NMT1: variants seen among roughly 807,000 people sequenced by gnomAD.
The protein encoded by NMT1 is N-myristoyltransferase 1.
Under a neutral mutation model 63.4 loss-of-function variants are expected in NMT1, and 12 were observed. That is an observed-to-expected ratio of 0.19 (90% confidence interval 0.12 to 0.31). The LOEUF (loss-of-function observed/expected upper bound fraction) is 0.31, where lower values mean the gene tolerates loss of function less well. NMT1 is among the 10% of genes least tolerant of loss of function. The pLI is 1.00. For synonymous variants in NMT1, 228 were observed against 234.3 expected (o/e 0.97, Z 0.25); for missense variants, 432 against 634.6 (o/e 0.68, Z 3.43).
chr17:45,061,318 T>G lies in NMT1; in HGVS notation c.-12T>G. 1.2e-6 allele frequency: 2 copies of G among 1,612,622 alleles called. No homozygotes were observed. The highest frequency in any genetic ancestry group is 1.7e-6 in the Non-Finnish European group (2 of 1,179,452). ...TGTAGTGGGGCGCGGAGCCCTGCTC[T>G]CGCAACTCAAGATGGCGGACGAGAG... On this transcript the variant is annotated 5_prime_UTR_variant, in exon 1 of 12. Coordinates refer to ENST00000258960, the MANE Select transcript of NMT1 (RefSeq NM_021079.5).
At chr17:45,091,755 C>T (rs936825287) in intron 3 of NMT1, among the ~76,000 whole-genome samples, 5 of 152,050 alleles carry the variant, frequency 3.3e-5, no homozygotes, top group Admixed American at 1.3e-4. Context: ...GGCTGGGCGC[C>T]GTGGCTCATG....
Position 45,105,007 on chromosome 17 carries a change from C to G in NMT1, c.1470+11C>G. The G allele has an allele frequency of 6.2e-7, 1 of 1,614,060 alleles. No homozygotes were observed. The highest frequency in any genetic ancestry group is 8.5e-7 in the Non-Finnish European group (1 of 1,179,988). ...ATGGGGGCAGAGAAGGTAGGCGACA[C>G]ATAGCCAGAGTCCAGGCTGCCCGGC... is the stretch of plus-strand genomic sequence containing the variant. On this transcript the variant is annotated intron_variant, in intron 11 of 11. Transcript: ENST00000258960. The surrounding 1 kb of genome is among the most constrained non-coding windows in gnomAD (Gnocchi z 4.2).
chr17:45,099,232 G>A (rs529895965), intron 7 of NMT1, among the ~76,000 whole-genome samples, 173 bp from the exon 8 acceptor site: 24 of 152,324 alleles, frequency 1.6e-4, no homozygotes, highest in African/African-American at 5.8e-4. Flanking sequence ...GAGGAGCTTT[G>A]GCAGCACTCA....
At chr17:45,078,610 A>G (rs967125190) in intron 1 of NMT1, among the ~76,000 whole-genome samples, 1 of 152,054 alleles carries the variant, frequency 6.6e-6, no homozygotes, top group Non-Finnish European at 1.5e-5. Context: ...TGTTAATGGA[A>G]AATTGTATTT....
chr17:45,105,568 T>G lies in NMT1; in HGVS notation c.1471-51T>G, dbSNP rs1478025956. ...TTCAGGGATAGGGGGTGTGGGAGAGTCTTTGGGCCACTGTCAACTCAGCTC... is the reference window on the plus strand; with the variant it reads ...TTCAGGGATAGGGGGTGTGGGAGAGGCTTTGGGCCACTGTCAACTCAGCTC... On this transcript the variant is annotated intron_variant, in intron 11 of 11. Transcript: ENST00000258960. This position sits in a 1 kb window ranked among gnomAD's most constrained non-coding sequence, Gnocchi z 4.2. 6.2e-7 allele frequency: 1 copy of G among 1,607,056 alleles called. No individual in the cohort carries two copies. The highest frequency in any genetic ancestry group is 8.5e-7 in the Non-Finnish European group (1 of 1,175,944).
chr17:45,097,317 G>A, intron 6 of NMT1, 73 bp downstream of exon 6: 1 of 1,152,744 alleles, frequency 8.7e-7, no homozygotes, highest in Non-Finnish European at 1.3e-6. Flanking sequence ...GTAGAAAAAG[G>A]CTGCACAATG....
intron 1 of NMT1, among the ~76,000 whole-genome samples, chr17:45,068,996 T>A (rs557396383): frequency 6.6e-6 from 1 of 151,642 alleles, no homozygotes; most frequent in Admixed American, 6.6e-5. Flanking sequence ...AGTCTCACTC[T>A]GTCGCCCAGG....
At chr17:45,061,490 T>C in intron 1 of NMT1, 30 bp downstream of exon 1, 3 of 1,602,854 alleles carry the variant, frequency 1.9e-6, no homozygotes, top group South Asian at 2.2e-5. Context: ...CCAATTCCCG[T>C]CCAGCCTCCC....
Position 45,105,242 on chromosome 17 carries a change from C to T in NMT1, c.1470+246C>T, listed in dbSNP as rs1343721556. ...GCACGAAGATCATCTCCAATGAGGCCTTCCCACGTGAGGGAACCGTGGAAG... is the reference window on the plus strand; with the variant it reads ...GCACGAAGATCATCTCCAATGAGGCTTTCCCACGTGAGGGAACCGTGGAAG... On this transcript the variant is annotated intron_variant, in intron 11 of 11. Transcript: ENST00000258960. This position sits in a 1 kb window ranked among gnomAD's most constrained non-coding sequence, Gnocchi z 4.2. Among the ~76,000 whole-genome samples, 1 of 152,210 alleles carries T rather than the reference C, an allele frequency of 6.6e-6. No homozygotes were observed. The highest frequency in any genetic ancestry group is 2.4e-5 in the African/African-American group (1 of 41,448).
At chr17:45,070,249 CTT>C (rs1181254255) in intron 1 of NMT1, among the ~76,000 whole-genome samples, 1 of 146,958 alleles carries the variant, frequency 6.8e-6, no homozygotes, top group East Asian at 1.9e-4. Flanking sequence ...CCCAGGGTAC[CTT>C]TTTTTGTGTG....
At chr17:45,090,888 A>G (rs1376547797) in intron 3 of NMT1, among the ~76,000 whole-genome samples, 1 of 152,024 alleles carries the variant, frequency 6.6e-6, no homozygotes, top group Non-Finnish European at 1.5e-5. Flanking sequence ...CCTGCTCAGC[A>G]GGAGGTACTC....
Position 45,104,354 on chromosome 17 carries a change from G to A in NMT1, c.1332+478G>A, listed in dbSNP as rs1370963000. On this transcript the variant is annotated intron_variant, in intron 10 of 11. Transcript: ENST00000258960. This position sits in a 1 kb window ranked among gnomAD's most constrained non-coding sequence, Gnocchi z 4.2. Reference sequence around the variant, plus strand: ...GTAGGCAATCTGGTCCCTGCCCTGTGAGAGCTTCTGCTCCAGTTGGTGAGG... The same window carrying A: ...GTAGGCAATCTGGTCCCTGCCCTGTAAGAGCTTCTGCTCCAGTTGGTGAGG... 1.7e-6 allele frequency: 2 copies of A among 1,148,468 alleles called. No homozygotes were observed. Among genetic ancestry groups the A allele is most frequent in the Non-Finnish European group, 2.2e-6 (2 of 925,488 alleles). The allele number at this position is 1,148,468 out of a possible 1,614,324, so 71.1% of individuals were successfully genotyped here. A position where few individuals can be genotyped will look rare whatever the true frequency, so the allele number is the denominator to read the frequency against.
chr17:45,079,563 A>G (rs970431430), intron 1 of NMT1, among the ~76,000 whole-genome samples: 5 of 152,228 alleles, frequency 3.3e-5, no homozygotes, highest in Non-Finnish European at 5.9e-5. Flanking sequence ...AATTTAATAA[A>G]ACATTAATGA....
intron 3 of NMT1, among the ~76,000 whole-genome samples, chr17:45,087,630 G>C (rs1375065664): frequency 6.6e-6 from 1 of 152,088 alleles, no homozygotes; most frequent in Non-Finnish European, 1.5e-5. Context: ...TGGACCCATT[G>C]GTGGCCTAGT....
intron 1 of NMT1, among the ~76,000 whole-genome samples, chr17:45,077,261 G>C (rs1157391476): frequency 6.6e-6 from 1 of 152,062 alleles, no homozygotes; most frequent in East Asian, 1.9e-4. Flanking sequence ...TCCATAAGCT[G>C]TTATGGAACC....
At chr17:45,097,384 A>T in intron 6 of NMT1, 140 bp downstream of exon 6, 8 of 718,554 alleles carry the variant, frequency 1.1e-5, no homozygotes, top group Non-Finnish European at 1.0e-5. Flanking sequence ...AGGTGCGGGG[A>T]CTGCAGATTC....
intron 1 of NMT1, among the ~76,000 whole-genome samples, chr17:45,062,813 A>G (rs1337723364): frequency 1.3e-5 from 2 of 152,188 alleles, no homozygotes; most frequent in Non-Finnish European, 2.9e-5. Context: ...CCCAGCACAT[A>G]TGCCTGACGT....
At position 45,105,862 on chromosome 17, in the gene NMT1, T is replaced by G; in HGVS notation, c.*223T>G. On this transcript the variant is annotated 3_prime_UTR_variant, in exon 12 of 12. Coordinates refer to ENST00000258960, the MANE Select transcript of NMT1 (RefSeq NM_021079.5). This position sits in a 1 kb window ranked among gnomAD's most constrained non-coding sequence, Gnocchi z 4.2. ...TGTCTCTGGTCTCCGTGTTTTCCAG[T>G]TAATTACATCCTCATGCAGCCGTGA... 3.7e-6 allele frequency: 2 copies of G among 541,954 alleles called. No homozygotes were observed. The highest frequency in any genetic ancestry group is 1.9e-5 in the African/African-American group (1 of 51,292). The allele number at this position is 541,954 out of a possible 1,614,324, so 33.6% of individuals were successfully genotyped here.
intron 1 of NMT1, among the ~76,000 whole-genome samples, chr17:45,068,640 T>C (rs186946140): frequency 2.6e-5 from 4 of 152,328 alleles, no homozygotes; most frequent in East Asian, 1.9e-4. Flanking sequence ...ATGAAGACTT[T>C]AGCGATTTTT....
Sources: gnomAD v4.1 joint callset for allele counts (sites outside exome capture counted in the v4.1 genomes callset) on GRCh38, gnomAD v4.1.1 for gene constraint, Gnocchi (gnomAD v3.1) non-coding constraint, MANE v1.5 for transcripts, NCBI Gene and HGNC (gene_info 2026-07-23, HGNC 2026-07-21) for gene names.